The following TCF20 variants were observed in gnomAD, a reference collection of about 807,000 sequenced individuals.
The protein encoded by TCF20 is SPRE-binding protein.
Under a neutral mutation model 148.6 loss-of-function variants are expected in TCF20, and 3 were observed. The ratio of observed to expected loss-of-function variants is 0.02; its 90% CI spans 0.01 to 0.05. TCF20 has a LOEUF of 0.05. Among genes scored for constraint, TCF20 ranks in the 10% least tolerant of loss-of-function variants. The probability of loss-of-function intolerance (pLI) is 1.00; values close to 1 mark genes in which losing one functional copy is unlikely to be tolerated. For synonymous variants in TCF20, 1,049 were observed against 909.5 expected (o/e 1.15, Z -2.76); for missense variants, 2,350 against 2,429.3 (o/e 0.97, Z 0.69).
chr22:42,163,514 G>A (rs1935589542), intron 5 of TCF20, among the ~76,000 whole-genome samples: 1 of 152,208 alleles, frequency 6.6e-6, no homozygotes, highest in African/African-American at 2.4e-5. Flanking sequence ...CCAGGCCCTG[G>A]GCTAGAAGCT....
At chr22:42,195,822 T>G (rs1384085606) in intron 2 of TCF20, among the ~76,000 whole-genome samples, 1 of 152,166 alleles carries the variant, frequency 6.6e-6, no homozygotes, top group Non-Finnish European at 1.5e-5. Flanking sequence ...CTTTTAAACA[T>G]ACATATTTAA....
intron 1 of TCF20, among the ~76,000 whole-genome samples, chr22:42,254,548 A>G (rs1397409794): frequency 1.3e-5 from 2 of 152,180 alleles, no homozygotes; most frequent in African/African-American, 4.8e-5. Flanking sequence ...CTGGGGAAAC[A>G]ATCTCTCACC....
chr22:42,197,724 T>A (rs989118941), intron 2 of TCF20, among the ~76,000 whole-genome samples: 6 of 152,196 alleles, frequency 3.9e-5, no homozygotes, highest in African/African-American at 9.6e-5. Context: ...TGATTCAGGC[T>A]ATGAGAAATA....
chr22:42,186,368 CA>C (rs1937046115), intron 2 of TCF20, among the ~76,000 whole-genome samples: 1 of 152,110 alleles, frequency 6.6e-6, no homozygotes, highest in Non-Finnish European at 1.5e-5. Flanking sequence ...GTAAAATAAC[CA>C]TAAAAGTGTT....
chr22:42,241,080 T>C (rs1287158420), intron 1 of TCF20, among the ~76,000 whole-genome samples: 1 of 152,178 alleles, frequency 6.6e-6, no homozygotes, highest in Non-Finnish European at 1.5e-5. Flanking sequence ...GGTCTCGAAC[T>C]CCTGACCTCA....
At chr22:42,235,389 A>T (rs1363240606) in intron 1 of TCF20, among the ~76,000 whole-genome samples, 3 of 152,180 alleles carry the variant, frequency 2.0e-5, no homozygotes, top group Non-Finnish European at 2.9e-5. Flanking sequence ...AGAACAAGGG[A>T]ACATTGGGTA....
chr22:42,238,448 G>T (rs563146346), intron 1 of TCF20, among the ~76,000 whole-genome samples: 3 of 152,330 alleles, frequency 2.0e-5, no homozygotes, highest in Admixed American at 2.0e-4. Flanking sequence ...GTTCACTGGA[G>T]TTGTACTTTT....
At chr22:42,303,868 GA>G (rs1171179106) in intron 1 of TCF20, among the ~76,000 whole-genome samples, 1 of 151,526 alleles carries the variant, frequency 6.6e-6, no homozygotes, top group Non-Finnish European at 1.5e-5. Flanking sequence ...ATGTGGAGAG[GA>G]GGGGAGCGGG....
chr22:42,267,544 T>C (rs1472362975), intron 1 of TCF20, among the ~76,000 whole-genome samples: 3 of 151,154 alleles, frequency 2.0e-5, no homozygotes, highest in Admixed American at 6.6e-5. Context: ...CTACTAAAAA[T>C]ACAAAAATTA....
rs1926541044 is a variant in TCF20 at position 42,270,386 on chromosome 22, G to A, written c.-84C>T. Among the ~76,000 whole-genome samples the A allele has an allele frequency of 6.6e-6, 1 of 150,678 alleles. No individual in the cohort carries two copies. ...CCCTCGGCCTCCGCCGGGGGCGGGC[G>A]GGGAGGGAGCGGTGGCGACGGCGGG... On this transcript the variant is annotated 5_prime_UTR_variant, in exon 1 of 6. Transcript: ENST00000677622.
intron 2 of TCF20, among the ~76,000 whole-genome samples, chr22:42,207,611 C>A (rs1601586533): frequency 6.6e-6 from 1 of 151,998 alleles, no homozygotes; most frequent in East Asian, 2.0e-4. Context: ...AGGTCAGGAG[C>A]TCGAGACCAG....
chr22:42,294,507 C>T (rs930291976), intron 1 of TCF20, among the ~76,000 whole-genome samples: 2 of 152,116 alleles, frequency 1.3e-5, no homozygotes, highest in African/African-American at 4.8e-5. Context: ...TGCTCCCAGG[C>T]GAGCAGGTTG....
At chr22:42,320,752 C>G (rs931747579) in intron 1 of TCF20, among the ~76,000 whole-genome samples, 2 of 152,218 alleles carry the variant, frequency 1.3e-5, no homozygotes, top group Non-Finnish European at 2.9e-5. Context: ...CAGAGCCATC[C>G]CAAGCCGGGA....
chr22:42,222,988 A>C (rs1363169920), intron 1 of TCF20, among the ~76,000 whole-genome samples: 2 of 152,128 alleles, frequency 1.3e-5, no homozygotes, highest in East Asian at 3.9e-4. Flanking sequence ...CTCCACAAAA[A>C]ATACAAAAGA....
intron 3 of TCF20, among the ~76,000 whole-genome samples, chr22:42,172,402 T>C (rs1936185044): frequency 1.3e-5 from 2 of 152,332 alleles, no homozygotes; most frequent in East Asian, 1.9e-4. Context: ...TCTCAATCTG[T>C]GTTCTTCAAG....
At chr22:42,185,688 G>A (rs575782093) in intron 2 of TCF20, among the ~76,000 whole-genome samples, 5 of 152,168 alleles carry the variant, frequency 3.3e-5, no homozygotes, top group Non-Finnish European at 7.4e-5. Flanking sequence ...ATCCTATCAA[G>A]CTTCTTAAAG....
At chr22:42,170,092 T>C (rs573853596) in intron 3 of TCF20, among the ~76,000 whole-genome samples, 196 bp from the exon 4 acceptor site, 2 of 151,910 alleles carry the variant, frequency 1.3e-5, no homozygotes, top group South Asian at 2.1e-4. Flanking sequence ...AAAATTAACA[T>C]TTGAAAAGAG....
chr22:42,236,951 A>C (rs897444093), intron 1 of TCF20, among the ~76,000 whole-genome samples: 1 of 152,170 alleles, frequency 6.6e-6, no homozygotes, highest in Non-Finnish European at 1.5e-5. Flanking sequence ...AGGGAGTCCT[A>C]ATCTTTTTGC....
intron 1 of TCF20, among the ~76,000 whole-genome samples, chr22:42,267,647 G>T (rs1015372149): frequency 6.6e-6 from 1 of 152,168 alleles, no homozygotes; most frequent in Non-Finnish European, 1.5e-5. Context: ...GTTACAGTGG[G>T]CCGAGATAGT....
Sources: gnomAD v4.1 joint callset for allele counts (sites outside exome capture counted in the v4.1 genomes callset) on GRCh38, gnomAD v4.1.1 for gene constraint, MANE v1.5 for transcripts, NCBI Gene and HGNC (gene_info 2026-07-23, HGNC 2026-07-21) for gene names.